NCOR2: variants seen among roughly 807,000 people sequenced by gnomAD.
NCOR2 encodes nuclear receptor corepressor 2.
A neutral mutation model predicts 262.9 loss-of-function variants in NCOR2; 81 were observed. The ratio of observed to expected loss-of-function variants is 0.31; its 90% CI spans 0.26 to 0.37. The LOEUF (loss-of-function observed/expected upper bound fraction) is 0.37, where lower values mean the gene tolerates loss of function less well. NCOR2 is among the 10% of genes least tolerant of loss of function. NCOR2 has a pLI of 1.00. For synonymous variants in NCOR2, 1,659 were observed against 1,559.3 expected (o/e 1.06, Z -1.51); for missense variants, 3,385 against 3,621.4 (o/e 0.93, Z 1.68).
At chr12:124,469,581 CT>C (rs2046722053) in intron 4 of NCOR2, among the ~76,000 whole-genome samples, 1 of 152,184 alleles carries the variant, frequency 6.6e-6, no homozygotes, top group Non-Finnish European at 1.5e-5. Context: ...AAGAGGGTGA[CT>C]AGCTCTGCTG....
intron 6 of NCOR2, among the ~76,000 whole-genome samples, chr12:124,450,305 A>G (rs2045441597): frequency 1.3e-5 from 2 of 152,236 alleles, no homozygotes; most frequent in African/African-American, 4.8e-5. Flanking sequence ...GCAAAAGACA[A>G]AAACGTTGAA....
intron 1 of NCOR2, among the ~76,000 whole-genome samples, chr12:124,521,176 C>A (rs1222234572): frequency 2.0e-5 from 3 of 152,234 alleles, no homozygotes; most frequent in African/African-American, 7.2e-5. Flanking sequence ...CTTCAGCATC[C>A]GGCTCCAGCT....
At chr12:124,466,023 C>A in intron 5 of NCOR2, 150 bp downstream of exon 7, 2 of 747,512 alleles carry the variant, frequency 2.7e-6, no homozygotes, top group Non-Finnish European at 4.2e-6. Flanking sequence ...CCTTCCCCCA[C>A]CCACTCATAA....
intron 7 of NCOR2, among the ~76,000 whole-genome samples, chr12:124,439,866 A>C (rs1168440651): frequency 6.6e-6 from 1 of 151,366 alleles, no homozygotes; most frequent in African/African-American, 2.4e-5. Context: ...AGACCCGAAG[A>C]AAGGGGACAG....
At chr12:124,402,733 G>A (rs961268573) in intron 13 of NCOR2, among the ~76,000 whole-genome samples, 172 bp from the exon 16 acceptor site, 2 of 152,186 alleles carry the variant, frequency 1.3e-5, no homozygotes, top group African/African-American at 4.8e-5. Flanking sequence ...GGCATGAGAT[G>A]GGGAGAGGCA....
chr12:124,340,575 C>T, intron 35 of NCOR2, 27 bp downstream of exon 37: 1 of 1,511,138 alleles, frequency 6.6e-7, no homozygotes, highest in Non-Finnish European at 8.8e-7. Flanking sequence ...GCCGGGGTCC[C>T]CACCCCAGAC....
At chr12:124,491,744 G>A (rs910297841) in intron 1 of NCOR2, among the ~76,000 whole-genome samples, 13 of 152,172 alleles carry the variant, frequency 8.5e-5, no homozygotes, top group South Asian at 2.1e-4. Flanking sequence ...AGGAGGAGGC[G>A]TTGATCTCCG....
At chr12:124,352,113 A>C (rs2037532521) in intron 27 of NCOR2, among the ~76,000 whole-genome samples, 1 of 152,204 alleles carries the variant, frequency 6.6e-6, no homozygotes, top group Non-Finnish European at 1.5e-5. Context: ...CTGTACACTA[A>C]CAGTGTGGCA....
In NCOR2 at chr12:124,479,332, AC is replaced by A. The variant is rs1240496416; in HGVS notation, c.411+4263del. ...CACGGACACATGCACACACGTGCGC[AC>A]ACAAACACACATACACACGTGCAAC... is the stretch of plus-strand genomic sequence containing the variant. On this transcript the variant is annotated intron_variant, in intron 3 of 46. Coordinates refer to ENST00000405201, the Ensembl canonical transcript of NCOR2. Among the ~76,000 whole-genome samples the A allele has an allele frequency of 4.0e-5, 6 of 149,444 alleles. No individual in the cohort carries two copies. In the East Asian group the frequency reaches 1.3e-3, roughly 33 times the overall value.
At chr12:124,361,122 CAAAAAAA>C (rs33951841) in intron 22 of NCOR2, among the ~76,000 whole-genome samples, 12 of 122,512 alleles carry the variant, frequency 9.8e-5, no homozygotes, top group African/African-American at 1.3e-4. Context: ...CCGTCTCAAA[CAAAAAAA>C]AAAAAAAAAA....
chr12:124,336,858 C>T (rs772572204), exon 38 of NCOR2: 48 of 1,611,386 alleles, frequency 3.0e-5, no homozygotes, highest in South Asian at 6.6e-5. Flanking sequence ...TCCGGGCTGG[C>T]GTGGTGAGGT....
rs796436124 is a variant in NCOR2 at position 124,479,571 on chromosome 12, ACGCGCG to A, written c.411+4019_411+4024del. Among the ~76,000 whole-genome samples, 3 of 152,238 alleles carry A rather than the reference ACGCGCG, an allele frequency of 2.0e-5. No homozygotes were observed. The East Asian group carries it at 5.8e-4, about 29-fold the overall frequency. On this transcript the variant is annotated intron_variant, in intron 3 of 46. Transcript: ENST00000405201. ...CACACACAAACGCGCACACACACGC[ACGCGCG>A]CGCGCATGCACACACACACCCTGGC...
At chr12:124,386,361 C>CCGGCCCAGCGAAAGGAAGGGA (rs2136116636) in intron 16 of NCOR2, among the ~76,000 whole-genome samples, 1 of 152,164 alleles carries the variant, frequency 6.6e-6, no homozygotes, top group African/African-American at 2.4e-5. Context: ...TCCGGCCACA[C>CCGGCCCAGCGAAAGGAAGGGA]CGGCCCAGCG....
chr12:124,353,545 C>T (rs2037686701), intron 27 of NCOR2, among the ~76,000 whole-genome samples: 1 of 152,254 alleles, frequency 6.6e-6, no homozygotes, highest in South Asian at 2.1e-4. Flanking sequence ...CGCTCTGTCA[C>T]TGTGTTCTAG....
intron 13 of NCOR2, among the ~76,000 whole-genome samples, chr12:124,412,096 C>T (rs1054127598): frequency 6.6e-6 from 1 of 152,294 alleles, no homozygotes; most frequent in African/African-American, 2.4e-5. Flanking sequence ...AGGCTAAGCA[C>T]CAGTGCCATG....
At chr12:124,542,074 G>A (rs939564659) in intron 1 of NCOR2, among the ~76,000 whole-genome samples, 2 of 151,814 alleles carry the variant, frequency 1.3e-5, no homozygotes, top group Non-Finnish European at 1.5e-5. Flanking sequence ...AGGGCTCCAT[G>A]GAGGCATCGA....
At chr12:124,453,630 C>T (rs1365221423) in intron 6 of NCOR2, among the ~76,000 whole-genome samples, 3 of 152,224 alleles carry the variant, frequency 2.0e-5, no homozygotes, top group East Asian at 1.9e-4. Context: ...GAGTCCCAGG[C>T]GGCCTGAGCT....
Position 124,347,815 on chromosome 12 carries a change from A to C in NCOR2, c.4072+10T>G. On this transcript the variant is annotated intron_variant, in intron 30 of 46. Transcript: ENST00000405201. Reference sequence around the variant, plus strand: ...TGGGGGCAACGAGGGAGCAGGGAACAGGGCAGTACCTTGTGTGATGGACCC... The same window carrying C: ...TGGGGGCAACGAGGGAGCAGGGAACCGGGCAGTACCTTGTGTGATGGACCC... The C allele has an allele frequency of 6.4e-7, 1 of 1,558,594 alleles. No homozygotes were observed. The highest frequency in any genetic ancestry group is 8.7e-7 in the Non-Finnish European group (1 of 1,150,506).
intron 1 of NCOR2, among the ~76,000 whole-genome samples, chr12:124,554,933 C>T (rs1594066785): frequency 6.6e-6 from 1 of 152,244 alleles, no homozygotes; most frequent in African/African-American, 2.4e-5. Flanking sequence ...AGGGCAGAGA[C>T]GTGGGCTTTG....
Sources: gnomAD v4.1 joint callset for allele counts (sites outside exome capture counted in the v4.1 genomes callset) on GRCh38, gnomAD v4.1.1 for gene constraint, MANE v1.5 for transcripts, NCBI Gene and HGNC (gene_info 2026-07-23, HGNC 2026-07-21) for gene names.